Variants in C5 observed in about 807,000 individuals in gnomAD.
C5 encodes C3 and PZP-like alpha-2-macroglobulin domain-containing protein 4.
In C5, 140 loss-of-function variants were observed where a neutral mutation model predicts 218.8. That is an observed-to-expected ratio of 0.64 (90% CI 0.56 to 0.74). C5 has a LOEUF of 0.74. C5 is among the 30% of genes least tolerant of loss of function. The pLI is 0.00. For missense variants in C5, 1,700 were observed against 1,969.6 expected, an observed-to-expected ratio of 0.86 and a Z score of 2.59; for synonymous variants, 614 against 682.3, an observed-to-expected ratio of 0.90 and a Z score of 1.56.
At position 121,014,151 on chromosome 9, in the gene C5, T is replaced by C. The variant is rs542493877; in HGVS notation, c.2060-81A>G. The C allele has an allele frequency of 3.2e-6, 4 of 1,237,422 alleles. No individual in the cohort carries two copies. In the Admixed American group the frequency reaches 5.4e-5, roughly 17 times the overall value. The allele number at this position is 1,237,422 out of a possible 1,614,324, so 76.7% of individuals were successfully genotyped here. A position where few individuals can be genotyped will look rare whatever the true frequency, so the allele number is the denominator to read the frequency against. ...CTTAGAAGGAATCTCAAGGGATACC[T>C]GGTTTCTGTTGCTATATGATCCCCC... is the stretch of plus-strand genomic sequence containing the variant. On this transcript the variant is annotated intron_variant, in intron 16 of 40. Coordinates refer to ENST00000223642, the MANE Select transcript of C5 (RefSeq NM_001735.3).
At chr9:121,057,288 G>A in the C5 span, among the ~76,000 whole-genome samples, 5 of 152,090 alleles carry the variant, frequency 3.3e-5, no homozygotes, top group African/African-American at 9.7e-5. Flanking sequence ...TATAAAACTC[G>A]CTGGTAAAAA....
intron 33 of C5, among the ~76,000 whole-genome samples, chr9:120,968,790 A>G (rs964814928): frequency 1.3e-5 from 2 of 152,214 alleles, no homozygotes; most frequent in African/African-American, 4.8e-5. Context: ...AATTTTTTAA[A>G]TCACATTTCT....
the C5 span, among the ~76,000 whole-genome samples, chr9:121,072,210 G>T: frequency 1.3e-5 from 2 of 152,090 alleles, no homozygotes; most frequent in Non-Finnish European, 2.9e-5. Flanking sequence ...CGGACTGAGA[G>T]ATCACCCAAG....
In C5 at chr9:121,027,198, G is replaced by C. The variant is rs2047431446; in HGVS notation, c.835C>G (p.Gln279Glu). 6.2e-7 allele frequency: 1 copy of C among 1,600,858 alleles called. No homozygotes were observed. The highest frequency in any genetic ancestry group is 1.3e-5 in the African/African-American group (1 of 74,808). ...ATTGCTGTTTGCATCATTTCTTTTT[G>C]ATCATCTTTTAAGTCTTCTCTTATT... The part of the protein sequence containing the change: ...FGIREDLKDD[Q>E]KEMMQTAMQN... The change falls in exon 8 of 41, where the codon CAA becomes GAA. Residue 279 changes from glutamine (Q) to glutamate (E), a missense_variant. By Grantham distance (29) the Gln-to-Glu change is conservative. Transcript: ENST00000223642.
At chr9:120,982,466 G>A (rs2047002094) in intron 26 of C5, among the ~76,000 whole-genome samples, 189 bp downstream of exon 26, 1 of 152,190 alleles carries the variant, frequency 6.6e-6, no homozygotes, top group South Asian at 2.1e-4. Context: ...CTGATCTCTA[G>A]TGAACTGTCT....
chr9:121,060,400 CCTT>C, the C5 span, among the ~76,000 whole-genome samples: 30 of 152,280 alleles, frequency 2.0e-4, no homozygotes, highest in African/African-American at 7.0e-4. Flanking sequence ...AGCTGCTTTG[CCTT>C]CTTCTTAAGA....
At chr9:120,995,294 A>G (rs2047107981) in intron 22 of C5, among the ~76,000 whole-genome samples, 1 of 152,202 alleles carries the variant, frequency 6.6e-6, no homozygotes, top group Non-Finnish European at 1.5e-5. Context: ...ATAAAACAAA[A>G]ATTATTGATA....
intron 3 of C5, 39 bp downstream of exon 3, chr9:121,042,965 A>G (rs1420552334): frequency 1.3e-6 from 2 of 1,559,850 alleles, no homozygotes; most frequent in South Asian, 1.1e-5. Context: ...CAATACTGTC[A>G]AATCCCCCAC....
chr9:120,955,692 A>G (rs1001515436), intron 39 of C5, among the ~76,000 whole-genome samples: 2 of 152,168 alleles, frequency 1.3e-5, no homozygotes, highest in Non-Finnish European at 2.9e-5. Context: ...AACTTTCAAA[A>G]TAACAAAAAT....
rs532717660 is a variant in C5 at position 120,974,819 on chromosome 9, T to C, written c.3977A>G (p.Tyr1326Cys). Residue 1326 changes from tyrosine to cysteine, a missense_variant, in exon 30 of 41, where the codon TAT becomes TGT. Transcript: ENST00000223642. ...AAGGAAATTCTTGTCTGTCATTTTATAATTATGTAAGGCACCTTTATGCTT... is the reference window on the plus strand; with the variant it reads ...AAGGAAATTCTTGTCTGTCATTTTACAATTATGTAAGGCACCTTTATGCTT... ...SYKHKGALHN[Y>C]KMTDKNFLGR... The C allele has an allele frequency of 1.7e-5, 28 of 1,614,136 alleles. No homozygotes were observed. The highest frequency in any genetic ancestry group is 1.6e-4 in the Middle Eastern group (1 of 6,062).
chr9:120,998,199 ATTCT>A (rs1292833199), intron 20 of C5, among the ~76,000 whole-genome samples: 3 of 152,242 alleles, frequency 2.0e-5, no homozygotes, highest in African/African-American at 7.2e-5. Flanking sequence ...AATCCCTTAG[ATTCT>A]AAGGCACAGA....
chr9:121,049,337 G>A (rs543854584), intron 1 of C5, among the ~76,000 whole-genome samples: 97 of 152,230 alleles, frequency 6.4e-4, no homozygotes, highest in Admixed American at 2.2e-3. Context: ...TTAGCTGCTC[G>A]TCTTTCAAAA....
the C5 span, among the ~76,000 whole-genome samples, chr9:121,067,566 T>TAA: frequency 1.3e-3 from 156 of 121,598 alleles, no homozygotes; most frequent in Non-Finnish European, 2.1e-3. Context: ...AGGCTCCATC[T>TAA]AAAAAAAAAA....
At chr9:121,037,300 T>C (rs1207287413) in intron 4 of C5, among the ~76,000 whole-genome samples, 3 of 141,890 alleles carry the variant, frequency 2.1e-5, no homozygotes, top group African/African-American at 5.4e-5. Context: ...TTTTGTTTTT[T>C]GGTTTTTTTT....
In C5 at chr9:121,023,387, C is replaced by T. The variant is rs757353181; in HGVS notation, c.1116+17G>A. ...GATGATCATATGTAGCAACGTCTAC[C>T]CCCTCACCCAATCTACCTTGATGGG... On this transcript the variant is annotated intron_variant, in intron 10 of 40. Coordinates refer to ENST00000223642, the MANE Select transcript of C5 (RefSeq NM_001735.3). 7 of 1,410,206 alleles carry T rather than the reference C, an allele frequency of 5.0e-6. No individual in the cohort carries two copies. The African/African-American group carries it at 8.5e-5, about 17-fold the overall frequency. The allele number at this position is 1,410,206 out of a possible 1,614,324, so 87.4% of individuals were successfully genotyped here. A position where few individuals can be genotyped will look rare whatever the true frequency, so the allele number is the denominator to read the frequency against.
intron 31 of C5, among the ~76,000 whole-genome samples, chr9:120,970,565 A>G (rs558724504): frequency 6.6e-6 from 1 of 152,306 alleles, no homozygotes; most frequent in African/African-American, 2.4e-5. Flanking sequence ...GAACCTTTCC[A>G]CTTTAATTTT....
In C5 at chr9:121,026,772, G is replaced by C. The variant is rs150761115; in HGVS notation, c.873+388C>G. ...GAAGAGTCAGGGGAGGCTTCCCAGA[G>C]AAAGGCTGTCAATGTTGAAACTTAA... On this transcript the variant is annotated intron_variant, in intron 8 of 40. Coordinates refer to ENST00000223642, the MANE Select transcript of C5 (RefSeq NM_001735.3). Among the ~76,000 whole-genome samples the C allele has an allele frequency of 1.6e-4, 24 of 152,258 alleles. No homozygotes were observed. The East Asian group carries it at 4.6e-3, about 29-fold the overall frequency.
chr9:121,005,005 A>ATACATAGT (rs1317864218), intron 20 of C5, among the ~76,000 whole-genome samples: 1 of 151,750 alleles, frequency 6.6e-6, no homozygotes, highest in African/African-American at 2.4e-5. Flanking sequence ...TGTCAGAGGG[A>ATACATAGT]TACATAGTTT....
chr9:121,011,990 T>C (rs2047265846), intron 17 of C5, among the ~76,000 whole-genome samples: 1 of 152,052 alleles, frequency 6.6e-6, no homozygotes, highest in South Asian at 2.1e-4. Flanking sequence ...ATGAGGGGGA[T>C]GTGGGGATGG....
Sources: allele counts gnomAD v4.1 joint callset (sites outside exome capture counted in the v4.1 genomes callset), GRCh38; gene constraint gnomAD v4.1.1; transcripts MANE v1.5; gene names NCBI Gene and HGNC (gene_info 2026-07-23, HGNC 2026-07-21).